The following RHPN2 variants were observed in gnomAD, a reference collection of about 807,000 sequenced individuals.
RHPN2 encodes rhophilin Rho GTPase binding protein 2.
RHPN2 carries 40 observed loss-of-function variants against 79.0 expected under a neutral mutation model. The observed-to-expected ratio is 0.51, with a 90% CI of 0.39 to 0.66. The LOEUF (loss-of-function observed/expected upper bound fraction) is 0.66, where lower values mean the gene tolerates loss of function less well. Among genes scored for constraint, RHPN2 ranks in the 30% least tolerant of loss-of-function variants. RHPN2 has a pLI of 0.00. For missense variants in RHPN2, 686 were observed against 883.5 expected (o/e 0.78, Z 2.83); for synonymous variants, 285 against 363.5 (o/e 0.78, Z 2.46).
intron 2 of RHPN2, among the ~76,000 whole-genome samples, chr19:33,034,025 A>T (rs1003152906): frequency 6.8e-6 from 1 of 146,516 alleles, no homozygotes; most frequent in Non-Finnish European, 1.5e-5. Flanking sequence ...TTGGCAAAAC[A>T]TTTTTTTTTT....
At chr19:33,055,723 G>A (rs1452405988) in intron 1 of RHPN2, among the ~76,000 whole-genome samples, 1 of 126,890 alleles carries the variant, frequency 7.9e-6, no homozygotes, top group Non-Finnish European at 1.5e-5. Context: ...ACTGCAAGGA[G>A]CTTCTGGGTT....
chr19:32,981,613 A>G (rs1045847221), intron 14 of RHPN2, among the ~76,000 whole-genome samples: 1 of 151,536 alleles, frequency 6.6e-6, no homozygotes, highest in African/African-American at 2.4e-5. Context: ...AAGTATTTCT[A>G]TATGTACCTA....
At chr19:33,009,294 T>TA (rs752137358) in intron 6 of RHPN2, among the ~76,000 whole-genome samples, 37,427 of 146,098 alleles carry the variant, frequency 0.26, 4,818 homozygotes, top group Non-Finnish European at 0.28. Context: ...TCTTCAATTA[T>TA]AAAAAAAAAA....
intron 3 of RHPN2, among the ~76,000 whole-genome samples, chr19:33,022,271 G>A (rs949379177): frequency 6.6e-6 from 1 of 152,162 alleles, no homozygotes; most frequent in Non-Finnish European, 1.5e-5. Context: ...TCTTTCGGCA[G>A]CTGTGCTGAG....
intron 6 of RHPN2, among the ~76,000 whole-genome samples, chr19:33,009,086 C>T (rs995801467): frequency 4.6e-5 from 7 of 150,708 alleles, no homozygotes; most frequent in Non-Finnish European, 1.0e-4. Flanking sequence ...GAAGAAAGAT[C>T]AGGGGTTGCC....
At chr19:33,038,323 T>C (rs1174526776) in intron 2 of RHPN2, among the ~76,000 whole-genome samples, 1 of 144,024 alleles carries the variant, frequency 6.9e-6, no homozygotes, top group Non-Finnish European at 1.5e-5. Flanking sequence ...AAAATTAGCC[T>C]ACTATGGTGG....
At chr19:32,991,167 C>T (rs551923198) in intron 13 of RHPN2, among the ~76,000 whole-genome samples, 2 of 152,070 alleles carry the variant, frequency 1.3e-5, no homozygotes, top group Admixed American at 6.6e-5. Context: ...ACTAAAAATA[C>T]AAAAATTAGG....
chr19:33,012,554 G>A (rs958742109), intron 5 of RHPN2, 93 bp downstream of exon 5: 12 of 838,538 alleles, frequency 1.4e-5, no homozygotes, highest in African/African-American at 6.7e-5. Flanking sequence ...CTATCCACCC[G>A]CGATTCTGTT....
intron 1 of RHPN2, among the ~76,000 whole-genome samples, chr19:33,056,774 T>C (rs1283684358): frequency 6.6e-6 from 1 of 152,024 alleles, no homozygotes; most frequent in Admixed American, 6.6e-5. Context: ...GGCTCATGCC[T>C]GTAATCCGAG....
At chr19:33,049,208 A>C (rs912081961) in intron 1 of RHPN2, among the ~76,000 whole-genome samples, 2 of 152,170 alleles carry the variant, frequency 1.3e-5, no homozygotes, top group African/African-American at 4.8e-5. Flanking sequence ...TGAGAGGTAA[A>C]TCTGGACAAG....
chr19:33,023,342 G>A (rs1210440526), intron 3 of RHPN2, among the ~76,000 whole-genome samples: 5 of 151,468 alleles, frequency 3.3e-5, no homozygotes, highest in Non-Finnish European at 4.4e-5. Context: ...GGCTGAGGCA[G>A]GAGAATCACT....
chr19:33,031,251 TTCTAC>T (rs1215280997), intron 2 of RHPN2, among the ~76,000 whole-genome samples: 5 of 132,484 alleles, frequency 3.8e-5, no homozygotes, highest in Non-Finnish European at 8.4e-5. Flanking sequence ...TTCTATTCTA[TTCTAC>T]TCTATTCTAT....
Position 33,008,003 on chromosome 19 carries a change from A to G in RHPN2, c.760+11T>C, listed in dbSNP as rs369902147. On this transcript the variant is annotated intron_variant, in intron 7 of 14. Coordinates refer to ENST00000254260, the MANE Select transcript of RHPN2 (RefSeq NM_033103.5). ...CAAGGCTCCGTCTGGTCAGCCCTGG[A>G]GGAGACATACCTGCGGCTCTCTGAA... 12 of 1,611,788 alleles carry G rather than the reference A, an allele frequency of 7.4e-6. No homozygotes were observed. In the African/African-American group the frequency reaches 1.6e-4, roughly 22 times the overall value.
chr19:33,031,742 C>T (rs1972013776), intron 2 of RHPN2, among the ~76,000 whole-genome samples: 1 of 151,922 alleles, frequency 6.6e-6, no homozygotes, highest in African/African-American at 2.4e-5. Flanking sequence ...AGTGCAGTGG[C>T]GTGATCTTGG....
chr19:33,062,545 G>A (rs1363397280), intron 1 of RHPN2, among the ~76,000 whole-genome samples: 1 of 151,336 alleles, frequency 6.6e-6, no homozygotes, highest in African/African-American at 2.4e-5. Flanking sequence ...CATGGCAGGT[G>A]GATCACTTAA....
chr19:33,003,395 A>AG (rs1176172611), intron 7 of RHPN2, among the ~76,000 whole-genome samples: 1 of 148,674 alleles, frequency 6.7e-6, no homozygotes, highest in Non-Finnish European at 1.5e-5. Context: ...AAAAGACAGG[A>AG]GAAAAAAAAA....
intron 2 of RHPN2, among the ~76,000 whole-genome samples, chr19:33,033,028 A>G (rs1455639094): frequency 1.3e-5 from 2 of 152,184 alleles, no homozygotes; most frequent in East Asian, 3.8e-4. Flanking sequence ...GAATATGTTA[A>G]GGTACTTCAA....
At chr19:32,988,005 G>C (rs534647949) in intron 14 of RHPN2, among the ~76,000 whole-genome samples, 3 of 151,918 alleles carry the variant, frequency 2.0e-5, no homozygotes, top group Non-Finnish European at 4.4e-5. Flanking sequence ...ATATATAAAG[G>C]CCCCATCTCT....
Position 33,053,581 on chromosome 19 carries a change from G to C in RHPN2, c.70-9217C>G, listed in dbSNP as rs185368204. ...TGGGATTACAGGCGCACACCACCAT[G>C]CCTGGCTAATTTTTGTATTTTTAGT... On this transcript the variant is annotated intron_variant, in intron 1 of 14. Coordinates refer to ENST00000254260, the MANE Select transcript of RHPN2 (RefSeq NM_033103.5). Among the ~76,000 whole-genome samples, 226 of 151,372 alleles carry C rather than the reference G, an allele frequency of 1.5e-3. 1 individual carries two copies. The highest frequency in any genetic ancestry group is 5.2e-3 in the African/African-American group (215 of 41,194).
Sources: allele counts gnomAD v4.1 joint callset (sites outside exome capture counted in the v4.1 genomes callset), GRCh38; gene constraint gnomAD v4.1.1; transcripts MANE v1.5; gene names NCBI Gene and HGNC (gene_info 2026-07-23, HGNC 2026-07-21).